The following IGF2BP2 variants were observed in gnomAD, a reference collection of about 807,000 sequenced individuals.
IGF2BP2 encodes insulin like growth factor 2 mRNA binding protein 2, also known as insulin-like growth factor 2 mRNA-binding protein 2.
A neutral mutation model predicts 75.8 loss-of-function variants in IGF2BP2; 17 were observed. The observed-to-expected ratio is 0.22, with a 90% CI of 0.15 to 0.34. The LOEUF (loss-of-function observed/expected upper bound fraction) is 0.34. IGF2BP2 is among the 10% of genes least tolerant of loss of function. IGF2BP2 has a pLI of 1.00. For synonymous variants in IGF2BP2, 288 were observed against 295.6 expected, an observed-to-expected ratio of 0.97 and a Z score of 0.26; for missense variants, 516 against 772.4, an observed-to-expected ratio of 0.67 and a Z score of 3.93.
chr3:185,811,555 AC>A (rs1739829548), intron 2 of IGF2BP2, among the ~76,000 whole-genome samples: 1 of 152,104 alleles, frequency 6.6e-6, no homozygotes, highest in Non-Finnish European at 1.5e-5. Context: ...TCTGACTTCC[AC>A]CTCCTCTTGA....
At chr3:185,777,887 C>T (rs1734713279) in intron 2 of IGF2BP2, among the ~76,000 whole-genome samples, 1 of 151,780 alleles carries the variant, frequency 6.6e-6, no homozygotes, top group Non-Finnish European at 1.5e-5. Flanking sequence ...ACTAAATATA[C>T]AAAAAAATTA....
intron 2 of IGF2BP2, among the ~76,000 whole-genome samples, chr3:185,711,170 A>T (rs761068105): frequency 2.6e-5 from 4 of 152,244 alleles, no homozygotes; most frequent in Non-Finnish European, 5.9e-5. Context: ...AAATTAGGGC[A>T]GAGATAACTT....
chr3:185,797,476 T>C (rs1032649099), intron 2 of IGF2BP2, among the ~76,000 whole-genome samples: 3 of 152,250 alleles, frequency 2.0e-5, no homozygotes, highest in African/African-American at 4.8e-5. Flanking sequence ...GGACTAATGA[T>C]CTAACAACTA....
intron 7 of IGF2BP2, among the ~76,000 whole-genome samples, chr3:185,676,581 T>C (rs1719388980): frequency 6.6e-6 from 1 of 151,618 alleles, no homozygotes; most frequent in African/African-American, 2.4e-5. Flanking sequence ...GAGGCTGAGG[T>C]GGGACTGCTT....
chr3:185,672,499 T>A (rs1718668622), intron 10 of IGF2BP2, 42 bp downstream of exon 10: 2 of 1,585,900 alleles, frequency 1.3e-6, no homozygotes, highest in African/African-American at 2.7e-5. Flanking sequence ...TGCCTGGAGG[T>A]GCCCAGCGCA....
At chr3:185,678,491 A>G (rs928737815) in intron 7 of IGF2BP2, among the ~76,000 whole-genome samples, 11 of 152,340 alleles carry the variant, frequency 7.2e-5, no homozygotes, top group African/African-American at 2.6e-4. Context: ...GTTTCATTCC[A>G]TTGTGATCAG....
chr3:185,721,286 T>C (rs1373908413), intron 2 of IGF2BP2, among the ~76,000 whole-genome samples: 1 of 152,134 alleles, frequency 6.6e-6, no homozygotes, highest in Non-Finnish European at 1.5e-5. Flanking sequence ...CTCAGCTCAC[T>C]GCAACCTCTG....
Position 185,645,676 on chromosome 3 carries a change from G to A in IGF2BP2, c.1708-53C>T, listed in dbSNP as rs1713389115. 2.9e-6 allele frequency: 4 copies of A among 1,399,482 alleles called. No homozygotes were observed. The Admixed American group carries it at 5.0e-5, about 18-fold the overall frequency. The allele number at this position is 1,399,482 out of a possible 1,614,324, so 86.7% of individuals were successfully genotyped here. Reference sequence around the variant, plus strand: ...AGGGACAGGGGAAAAAAGGAACCCAGTTCTGAGGACAAACGGCAGGGGAGG... The same window carrying A: ...AGGGACAGGGGAAAAAAGGAACCCAATTCTGAGGACAAACGGCAGGGGAGG... On this transcript the variant is annotated intron_variant, in intron 15 of 15. Transcript: ENST00000382199. The surrounding 1 kb of genome is among the most constrained non-coding windows in gnomAD (Gnocchi z 4.9).
chr3:185,744,212 G>C (rs1578169739), intron 2 of IGF2BP2, among the ~76,000 whole-genome samples: 1 of 152,266 alleles, frequency 6.6e-6, no homozygotes, highest in Middle Eastern at 3.4e-3. Flanking sequence ...GCCAAGTGAG[G>C]AACTCAGGAA....
chr3:185,760,319 A>C (rs1190312892), intron 2 of IGF2BP2, among the ~76,000 whole-genome samples: 1 of 152,050 alleles, frequency 6.6e-6, no homozygotes, highest in Non-Finnish European at 1.5e-5. Flanking sequence ...TAGACTCATC[A>C]GTTTTTTTTT....
At chr3:185,716,342 ACTGATTTGCCTT>A in intron 2 of IGF2BP2, 1 of 417,440 alleles carries the variant, frequency 2.4e-6, no homozygotes, top group Non-Finnish European at 4.7e-6. Flanking sequence ...CACTGACGTA[ACTGATTTGCCTT>A]TTGGTCTACA....
chr3:185,791,147 CTG>C (rs1239825990), intron 2 of IGF2BP2, among the ~76,000 whole-genome samples: 3 of 152,246 alleles, frequency 2.0e-5, no homozygotes, highest in Admixed American at 2.0e-4. Flanking sequence ...GGCACTGGAA[CTG>C]TATTGGTCCA....
intron 9 of IGF2BP2, chr3:185,675,023 T>C (rs1192048936): frequency 5.6e-6 from 1 of 179,760 alleles, no homozygotes; most frequent in East Asian, 1.4e-4. Context: ...TTTTTTTTTT[T>C]TTTTTTTTTA....
intron 10 of IGF2BP2, among the ~76,000 whole-genome samples, chr3:185,667,605 CTTAATTT>C (rs1426747932): frequency 3.3e-5 from 5 of 152,148 alleles, no homozygotes; most frequent in Non-Finnish European, 7.3e-5. Flanking sequence ...ATTTAACTAC[CTTAATTT>C]TTAAGTTTTC....
At chr3:185,769,564 C>T (rs1038669276) in intron 2 of IGF2BP2, among the ~76,000 whole-genome samples, 5 of 152,114 alleles carry the variant, frequency 3.3e-5, no homozygotes, top group South Asian at 4.2e-4. Flanking sequence ...TGGCCTGGCA[C>T]GGTGGCTCAC....
intron 2 of IGF2BP2, among the ~76,000 whole-genome samples, chr3:185,770,812 A>G (rs920956277): frequency 2.1e-4 from 32 of 152,190 alleles, no homozygotes; most frequent in Admixed American, 6.5e-4. Flanking sequence ...GTGCAGTGGC[A>G]CAATTATAGC....
intron 6 of IGF2BP2, 112 bp from the exon 7 acceptor site, chr3:185,687,303 G>C: frequency 9.0e-7 from 1 of 1,112,540 alleles, no homozygotes; most frequent in Non-Finnish European, 1.3e-6. Context: ...AGACAAGGAG[G>C]CGTCATCAGC....
chr3:185,755,490 AGACCTAAAAAT>A (rs1385248216), intron 2 of IGF2BP2, among the ~76,000 whole-genome samples: 1 of 152,218 alleles, frequency 6.6e-6, no homozygotes, highest in African/African-American at 2.4e-5. Context: ...ACTGCCCTCC[AGACCTAAAAAT>A]GGTAGAGCCA....
At chr3:185,759,998 A>G (rs1038045259) in intron 2 of IGF2BP2, among the ~76,000 whole-genome samples, 13 of 152,216 alleles carry the variant, frequency 8.5e-5, no homozygotes, top group African/African-American at 3.1e-4. Context: ...ATAGTATTTT[A>G]TTTATAAATA....
Sources: gnomAD v4.1 joint callset for allele counts (sites outside exome capture counted in the v4.1 genomes callset) on GRCh38, gnomAD v4.1.1 for gene constraint, Gnocchi (gnomAD v3.1) non-coding constraint, MANE v1.5 for transcripts, NCBI Gene and HGNC (gene_info 2026-07-23, HGNC 2026-07-21) for gene names.